The following SPIN1 variants were observed in gnomAD, a reference collection of about 807,000 sequenced individuals.
SPIN1 encodes spindlin-1.
A neutral mutation model predicts 26.0 loss-of-function variants in SPIN1; 3 were observed. That is an observed-to-expected ratio of 0.12 (90% CI 0.05 to 0.30). SPIN1 has a LOEUF of 0.30. SPIN1 is among the 10% of genes least tolerant of loss of function. SPIN1 has a pLI of 1.00. For synonymous variants in SPIN1, 101 were observed against 116.5 expected (o/e 0.87, Z 0.86); for missense variants, 126 against 333.4 (o/e 0.38, Z 4.84).
In SPIN1 at chr9:88,475,113, G is replaced by A; in HGVS notation, c.625G>A (p.Val209Ile). ...SPPAEREPGE[V>I]VDSLVGKQVE... ...TCCAGCAGAAAGGGAACCAGGAGAA[G>A]TTGTGGACAGCCTGGTAGGCAAACA... is the stretch of plus-strand genomic sequence containing the variant. Residue 209 changes from valine (V) to isoleucine (I), a missense_variant, in exon 6 of 6, where the codon GTT (valine) becomes ATT (isoleucine). By Grantham distance (29) the Val-to-Ile change is conservative (BLOSUM62 3). This residue lies in a region of SPIN1 where 29 missense variants were observed against 72.0 expected (regional missense o/e 0.40). Coordinates refer to ENST00000375859, the MANE Select transcript of SPIN1 (RefSeq NM_006717.3). 1 of 1,559,394 alleles carries A rather than the reference G, an allele frequency of 6.4e-7. No individual in the cohort carries two copies. Among genetic ancestry groups the A allele is most frequent in the Non-Finnish European group, 8.7e-7 (1 of 1,148,884 alleles).
At chr9:88,457,112 C>T (rs1328113910) in intron 3 of SPIN1, among the ~76,000 whole-genome samples, 1 of 151,982 alleles carries the variant, frequency 6.6e-6, no homozygotes, top group Admixed American at 6.6e-5. Context: ...ATTTCAAAAG[C>T]GGGTGGAGGA....
chr9:88,470,799 G>T (rs1388795263), intron 5 of SPIN1, among the ~76,000 whole-genome samples: 1 of 152,032 alleles, frequency 6.6e-6, no homozygotes, highest in East Asian at 1.9e-4. Flanking sequence ...TCACCATATT[G>T]GCCGGGCTCC....
At chr9:88,444,823 T>A (rs1291319420) in intron 2 of SPIN1, among the ~76,000 whole-genome samples, 1 of 151,822 alleles carries the variant, frequency 6.6e-6, no homozygotes, top group East Asian at 1.9e-4. Flanking sequence ...CCCGAGTAGC[T>A]GGGACTACAG....
rs928033613 is a variant in SPIN1 at position 88,475,602 on chromosome 9, T to G, written c.*325T>G. ...TTTCCCCCTCACCCTAACTCTCTTA[T>G]TCTGCCGCCACAATGCAAGCATAGT... On this transcript the variant is annotated 3_prime_UTR_variant, in exon 6 of 6. Coordinates refer to ENST00000375859, the MANE Select transcript of SPIN1 (RefSeq NM_006717.3). The G allele has an allele frequency of 2.7e-5, 6 of 221,774 alleles. No individual in the cohort carries two copies. The highest frequency in any genetic ancestry group is 1.4e-4 in the African/African-American group (6 of 43,766). The allele number at this position is 221,774 out of a possible 1,614,324, so 13.7% of individuals were successfully genotyped here.
intron 1 of SPIN1, among the ~76,000 whole-genome samples, chr9:88,389,945 A>G (rs1209872305): frequency 6.6e-6 from 1 of 150,510 alleles, no homozygotes; most frequent in African/African-American, 2.4e-5. Flanking sequence ...AGCTTTAGTT[A>G]AAAGGCAAAC....
rs1828309321 is a variant in SPIN1, at chr9:88,449,121, TGAG to T, written c.101+135_101+137del. ...AGCTCATAGGAGATGTAGTGTGCGA[TGAG>T]GAATAGTATGTAGTCATCTTCTCTG... On this transcript the variant is annotated intron_variant, in intron 3 of 5. Transcript: ENST00000375859. 3.9e-6 allele frequency: 3 copies of T among 767,644 alleles called. No individual in the cohort carries two copies. In the Admixed American group the frequency reaches 6.3e-5, roughly 16 times the overall value. 47.6% of individuals were successfully genotyped at this position (767,644 alleles called of 1,614,324 possible).
chr9:88,464,294 C>T (rs555714874), intron 4 of SPIN1, among the ~76,000 whole-genome samples: 1 of 152,230 alleles, frequency 6.6e-6, no homozygotes, highest in African/African-American at 2.4e-5. Context: ...AAAGTAATGG[C>T]CAAAACAGCA....
At chr9:88,411,601 C>T in intron 1 of SPIN1, 1 of 548,030 alleles carries the variant, frequency 1.8e-6, no homozygotes, top group Non-Finnish European at 3.2e-6. Flanking sequence ...ATAGCCTTGG[C>T]CTCCTGGGCT....
intron 3 of SPIN1, chr9:88,457,821 A>G: frequency 3.1e-6 from 3 of 980,746 alleles, no homozygotes; most frequent in Non-Finnish European, 3.6e-6. Flanking sequence ...TATACATGAG[A>G]AAAAAATGTG....
chr9:88,409,618 G>A (rs1182833184), intron 1 of SPIN1, among the ~76,000 whole-genome samples: 2 of 151,610 alleles, frequency 1.3e-5, no homozygotes, highest in Non-Finnish European at 1.5e-5. Context: ...GGCGGATCAC[G>A]AGGTCAGGAG....
Position 88,475,035 on chromosome 9 carries a change from T to TCTCTC in SPIN1, c.590-43_590-42insCTCTC. On this transcript the variant is annotated intron_variant, in intron 5 of 5. Coordinates refer to ENST00000375859, the MANE Select transcript of SPIN1 (RefSeq NM_006717.3). ...ATATCTAAAAATTGACTTAGAAATTTTCTCTCTCTCTCTTTTTTTTTTTTT... is the reference window on the plus strand; with the variant it reads ...ATATCTAAAAATTGACTTAGAAATTTCTCTCTCTCTCTCTCTCTTTTTTTTTTTTT... The TCTCTC allele has an allele frequency of 9.7e-6, 13 of 1,341,886 alleles. No homozygotes were observed. The South Asian group carries it at 2.2e-4, about 22-fold the overall frequency. 83.1% of individuals were successfully genotyped at this position (1,341,886 alleles called of 1,614,324 possible). A position where few individuals can be genotyped will look rare whatever the true frequency, so the allele number is the denominator to read the frequency against.
At chr9:88,439,209 C>T (rs796935232) in intron 2 of SPIN1, among the ~76,000 whole-genome samples, 1 of 152,108 alleles carries the variant, frequency 6.6e-6, no homozygotes, top group Non-Finnish European at 1.5e-5. Context: ...ATTATTTTTT[C>T]AGTGTATTAA....
At chr9:88,455,717 C>A (rs998077855) in intron 3 of SPIN1, among the ~76,000 whole-genome samples, 2 of 152,148 alleles carry the variant, frequency 1.3e-5, no homozygotes, top group Non-Finnish European at 2.9e-5. Flanking sequence ...GTGGTTCATA[C>A]TTCTAATCCC....
Position 88,468,402 on chromosome 9 carries a change from C to T in SPIN1, c.386C>T (p.Ala129Val). 1 of 1,603,296 alleles carries T rather than the reference C, an allele frequency of 6.2e-7. No individual in the cohort carries two copies. The highest frequency in any genetic ancestry group is 8.5e-7 in the Non-Finnish European group (1 of 1,175,598). Residue 129 changes from alanine to valine, a missense_variant, in exon 5 of 6, where the codon GCA becomes GTA. Transcript: ENST00000375859. ...TCTCGAATCAGCGATGCACACTTGGCAGACACAATGATTGGCAAAGCAGTG... is the reference window on the plus strand; with the variant it reads ...TCTCGAATCAGCGATGCACACTTGGTAGACACAATGATTGGCAAAGCAGTG... The part of the protein sequence containing the change: ...ATSRISDAHL[A>V]DTMIGKAVEH...
chr9:88,450,531 A>G (rs145054232), intron 3 of SPIN1, among the ~76,000 whole-genome samples: 2 of 152,318 alleles, frequency 1.3e-5, no homozygotes, highest in Non-Finnish European at 2.9e-5. Context: ...GCCTCATCCT[A>G]ATAAGCCATA....
At chr9:88,463,979 C>G (rs1365321394) in intron 4 of SPIN1, among the ~76,000 whole-genome samples, 1 of 152,178 alleles carries the variant, frequency 6.6e-6, no homozygotes, top group Non-Finnish European at 1.5e-5. Flanking sequence ...AGCTAGCTCA[C>G]TTGAAGGTTC....
intron 3 of SPIN1, among the ~76,000 whole-genome samples, chr9:88,458,666 T>G (rs1057489375): frequency 4.6e-5 from 7 of 151,982 alleles, no homozygotes; most frequent in East Asian, 1.9e-4. Flanking sequence ...TTCATGCCTC[T>G]AGAGAGAGAG....
rs543138498 is a variant in SPIN1, at chr9:88,476,085, G to C, written c.*808G>C. On this transcript the variant is annotated 3_prime_UTR_variant, in exon 6 of 6. Transcript: ENST00000375859. Reference sequence around the variant, plus strand: ...TAATTCTAAGCTTCATTTTTTTTTGGGGGGGGGTTACATTTTAATCATAAA... The same window carrying C: ...TAATTCTAAGCTTCATTTTTTTTTGCGGGGGGGTTACATTTTAATCATAAA... 9.9e-6 allele frequency: 1 copy of C among 101,430 alleles called. No individual in the cohort carries two copies. Among genetic ancestry groups the C allele is most frequent in the East Asian group, 2.4e-4 (1 of 4,184 alleles). 6.3% of individuals were successfully genotyped at this position (101,430 alleles called of 1,614,324 possible).
chr9:88,465,011 T>A lies in SPIN1; in HGVS notation c.355+2262T>A, dbSNP rs965564616. 5.9e-5 allele frequency among the ~76,000 whole-genome samples: 9 copies of A among 152,218 alleles called. 1 individual carries two copies. The South Asian group carries it at 1.9e-3, about 31-fold the overall frequency. ...CATAGAAGTGGAATCACACAGTATT[T>A]GTTTTGTGAGTAACTTATTTCACTT... On this transcript the variant is annotated intron_variant, in intron 4 of 5. Transcript: ENST00000375859.
Sources: gnomAD v4.1 joint callset for allele counts (sites outside exome capture counted in the v4.1 genomes callset) on GRCh38, gnomAD v4.1.1 for gene constraint, gnomAD v4.1.1 regional missense constraint, MANE v1.5 for transcripts, NCBI Gene and HGNC (gene_info 2026-07-23, HGNC 2026-07-21) for gene names.